Variants in NAV2 observed in about 807,000 individuals in gnomAD.
NAV2 encodes the protein helicase, APC down-regulated 1.
NAV2 carries 54 observed loss-of-function variants against 223.2 expected under a neutral mutation model. That is an observed-to-expected ratio of 0.24 (90% CI 0.19 to 0.30). NAV2 has a LOEUF of 0.30. Ranked by LOEUF, NAV2 falls within the 10% of genes least tolerant of loss-of-function variation. The pLI, the probability that NAV2 is intolerant of heterozygous loss-of-function variation, is 1.00. For synonymous variants in NAV2, 1,279 were observed against 1,239.3 expected (o/e 1.03, Z -0.67); for missense variants, 2,806 against 3,147.5 (o/e 0.89, Z 2.60).
intron 1 of NAV2, among the ~76,000 whole-genome samples, chr11:19,817,486 T>C (rs1243909370): frequency 6.6e-6 from 1 of 151,986 alleles, no homozygotes; most frequent in Non-Finnish European, 1.5e-5. Flanking sequence ...TGTCTGGGAA[T>C]GGGGGAACAC....
chr11:19,866,896 C>T (rs1358080787), intron 3 of NAV2, among the ~76,000 whole-genome samples: 1 of 151,912 alleles, frequency 6.6e-6, no homozygotes, highest in Admixed American at 6.6e-5. Flanking sequence ...ACATAATTGC[C>T]AAAGCCTCAC....
At chr11:19,820,192 G>T (rs1188301023) in intron 1 of NAV2, among the ~76,000 whole-genome samples, 1 of 152,242 alleles carries the variant, frequency 6.6e-6, no homozygotes, top group Non-Finnish European at 1.5e-5. Flanking sequence ...CTTAGGTGTG[G>T]CTGCCCTGTC....
chr11:19,500,901 A>G (rs560853207), intron 1 of NAV2, among the ~76,000 whole-genome samples: 168 of 152,328 alleles, frequency 1.1e-3, no homozygotes, highest in Non-Finnish European at 2.0e-3. Context: ...TAGTGGCTTA[A>G]ATCAACACAA....
chr11:19,659,200 T>G (rs2048207092), intron 1 of NAV2, among the ~76,000 whole-genome samples: 1 of 152,204 alleles, frequency 6.6e-6, no homozygotes, highest in Admixed American at 6.5e-5. Flanking sequence ...TGTAAAGCAC[T>G]GGCATTTAGA....
chr11:19,533,973 T>G (rs1460591034), intron 1 of NAV2, among the ~76,000 whole-genome samples: 1 of 151,784 alleles, frequency 6.6e-6, no homozygotes, highest in Non-Finnish European at 1.5e-5. Context: ...CCCAAAGTGC[T>G]GGGATTACAG....
intron 1 of NAV2, among the ~76,000 whole-genome samples, chr11:19,435,796 G>T (rs772187722): frequency 2.0e-5 from 3 of 152,104 alleles, no homozygotes; most frequent in Non-Finnish European, 4.4e-5. Context: ...GCTCATTGTG[G>T]TTTTAAGTTT....
At position 19,713,307 on chromosome 11, in the gene NAV2, C is replaced by A. The variant is rs1315045097; in HGVS notation, c.-389C>A. The stretch of plus-strand genomic sequence containing the variant: ...GCCGCCTCTGTCTCTTCCAAAGGGG[C>A]CTCCTCACTTCGGAGATGCAGTGAC... On this transcript the variant is annotated 5_prime_UTR_variant, in exon 1 of 38. Coordinates refer to ENST00000349880, the MANE Select transcript of NAV2 (RefSeq NM_145117.5). This position sits in a 1 kb window ranked among gnomAD's most constrained non-coding sequence, Gnocchi z 7.2. 1 of 1,041,162 alleles carries A rather than the reference C, an allele frequency of 9.6e-7. No individual in the cohort carries two copies. Among genetic ancestry groups the A allele is most frequent in the Non-Finnish European group, 1.2e-6 (1 of 867,306 alleles). The allele number at this position is 1,041,162 out of a possible 1,614,324, so 64.5% of individuals were successfully genotyped here.
At chr11:19,383,542 C>T (rs536356350) in intron 1 of NAV2, among the ~76,000 whole-genome samples, 1 of 152,326 alleles carries the variant, frequency 6.6e-6, no homozygotes, top group African/African-American at 2.4e-5. Context: ...CCTTAGTCTG[C>T]GTCTCTACCA....
At chr11:19,853,906 A>G (rs560447091) in intron 3 of NAV2, among the ~76,000 whole-genome samples, 2 of 152,292 alleles carry the variant, frequency 1.3e-5, no homozygotes, top group Admixed American at 1.3e-4. Flanking sequence ...GTAGATGCTC[A>G]CTCAGTGAAT....
chr11:19,875,876 A>G (rs1436642198), intron 4 of NAV2, among the ~76,000 whole-genome samples: 1 of 152,162 alleles, frequency 6.6e-6, no homozygotes, highest in Non-Finnish European at 1.5e-5. Flanking sequence ...AGCAGAGAGA[A>G]TGGACCACTT....
intron 10 of NAV2, among the ~76,000 whole-genome samples, chr11:19,958,718 C>T (rs868466338): frequency 6.6e-6 from 1 of 152,238 alleles, no homozygotes; most frequent in African/African-American, 2.4e-5. Flanking sequence ...TCACTACCAG[C>T]AGCAGCGGTG....
At chr11:19,644,797 G>A (rs2047769938) in intron 1 of NAV2, among the ~76,000 whole-genome samples, 1 of 152,206 alleles carries the variant, frequency 6.6e-6, no homozygotes, top group Non-Finnish European at 1.5e-5. Context: ...GGATAGATGG[G>A]CCAGCAGGCC....
At chr11:19,669,843 G>T (rs2048528122) in intron 1 of NAV2, among the ~76,000 whole-genome samples, 1 of 152,162 alleles carries the variant, frequency 6.6e-6, no homozygotes, top group African/African-American at 2.4e-5. Flanking sequence ...GTGAGATGGG[G>T]CTCCTTCCTC....
chr11:20,086,066 G>A (rs1426871222), intron 26 of NAV2, among the ~76,000 whole-genome samples: 2 of 152,192 alleles, frequency 1.3e-5, no homozygotes, highest in South Asian at 2.1e-4. Flanking sequence ...GATGGACAGC[G>A]TGACTTCCCA....
upstream of NAV2, among the ~76,000 whole-genome samples, chr11:19,708,695 C>G (rs1398220076): frequency 1.3e-5 from 2 of 152,122 alleles, no homozygotes; most frequent in Non-Finnish European, 2.9e-5. Flanking sequence ...GAGGATGGCT[C>G]TTAGAACCAG....
chr11:20,068,252 T>C, intron 21 of NAV2, 43 bp downstream of exon 21: 2 of 1,611,810 alleles, frequency 1.2e-6, no homozygotes, highest in Non-Finnish European at 1.7e-6. Context: ...TTAAGTATTG[T>C]CAATTATTTG....
chr11:19,952,234 G>GTAGT (rs1200007944), intron 10 of NAV2, among the ~76,000 whole-genome samples: 1 of 152,222 alleles, frequency 6.6e-6, no homozygotes, highest in Non-Finnish European at 1.5e-5. Context: ...GGCAATTGAT[G>GTAGT]TAGTGAAAGG....
intron 1 of NAV2, among the ~76,000 whole-genome samples, chr11:19,512,729 C>T (rs1485900349): frequency 1.3e-5 from 2 of 152,192 alleles, no homozygotes; most frequent in African/African-American, 4.8e-5. Context: ...GTCTCCTTCT[C>T]CTTGTCAGTG....
chr11:19,776,264 G>A lies in NAV2; in HGVS notation c.268-56220G>A, dbSNP rs1221243100. ...TTTTCAGGATACCGAAAGTTGCTGG[G>A]GACCCCTGGAGGGTCACTGCCAGAT... On this transcript the variant is annotated intron_variant, in intron 1 of 37. Coordinates refer to ENST00000349880, the MANE Select transcript of NAV2 (RefSeq NM_145117.5). 3.9e-5 allele frequency among the ~76,000 whole-genome samples: 6 copies of A among 152,270 alleles called. No homozygotes were observed. The South Asian group carries it at 6.2e-4, about 16-fold the overall frequency.
Sources: gnomAD v4.1 joint callset for allele counts (sites outside exome capture counted in the v4.1 genomes callset) on GRCh38, gnomAD v4.1.1 for gene constraint, Gnocchi (gnomAD v3.1) non-coding constraint, MANE v1.5 for transcripts, NCBI Gene and HGNC (gene_info 2026-07-23, HGNC 2026-07-21) for gene names.